WDR44: variants seen among roughly 807,000 people sequenced by gnomAD.
WDR44 encodes WD repeat-containing protein 44.
In WDR44, 9 loss-of-function variants were observed where a neutral mutation model predicts 65.7. The observed-to-expected ratio is 0.14, with a 90% CI of 0.08 to 0.24. The LOEUF (loss-of-function observed/expected upper bound fraction) is 0.24, where lower values mean the gene tolerates loss of function less well. WDR44 is among the 10% of genes least tolerant of loss of function. The pLI is 1.00. For missense variants in WDR44, 425 were observed against 670.9 expected, an observed-to-expected ratio of 0.63 and a Z score of 4.05; for synonymous variants, 220 against 235.2, an observed-to-expected ratio of 0.94 and a Z score of 0.59.
At chrX:118,363,235 TA>T (rs1166155870) in intron 1 of WDR44, among the ~76,000 whole-genome samples, 5 of 105,021 alleles carry the variant, frequency 4.8e-5, no homozygotes, top group Non-Finnish European at 3.9e-5. Flanking sequence ...CTGTCTCTAC[TA>T]AAAAAAAATA....
intron 12 of WDR44, among the ~76,000 whole-genome samples, chrX:118,422,416 C>T (rs1203387677): frequency 9.2e-6 from 1 of 108,423 alleles, no homozygotes; most frequent in Non-Finnish European, 1.9e-5. Context: ...TTGAGCCAGG[C>T]GCGGTGGCTC....
intron 12 of WDR44, among the ~76,000 whole-genome samples, chrX:118,412,701 G>A (rs949758238): frequency 9.0e-6 from 1 of 111,505 alleles, no homozygotes; most frequent in African/African-American, 3.3e-5. Flanking sequence ...GTCACTCATA[G>A]AAATATTTTT....
chrX:118,399,388 A>G (rs904165926), intron 8 of WDR44, among the ~76,000 whole-genome samples: 1 of 112,010 alleles, frequency 8.9e-6, no homozygotes, highest in African/African-American at 3.2e-5. Flanking sequence ...GTCCAAAGTG[A>G]ATTATCCACT....
chrX:118,403,176 T>A (rs2056934765), intron 8 of WDR44, among the ~76,000 whole-genome samples: 1 of 112,300 alleles, frequency 8.9e-6, no homozygotes, highest in African/African-American at 3.2e-5. Flanking sequence ...AATTGTTTTA[T>A]TTCTGGGATT....
intron 12 of WDR44, among the ~76,000 whole-genome samples, chrX:118,425,054 A>T (rs1039859930): frequency 6.3e-5 from 7 of 111,568 alleles, no homozygotes; most frequent in Middle Eastern, 4.6e-3. Context: ...TAAGGAAATG[A>T]TCATATGATA....
At chrX:118,368,483 T>TATATATATATATATATATATATATC (rs1569359132) in intron 1 of WDR44, among the ~76,000 whole-genome samples, 7 of 87,655 alleles carry the variant, frequency 8.0e-5, no homozygotes, top group East Asian at 4.0e-4. Flanking sequence ...ATATATATAC[T>TATATATATATATATATATATATATC]TCTTGAGGAC....
chrX:118,436,452 A>G, intron 13 of WDR44: 2 of 401,860 alleles, frequency 5.0e-6, no homozygotes, highest in Non-Finnish European at 9.1e-6. Flanking sequence ...TTCTTTAGAC[A>G]TTGATAAGAT....
chrX:118,441,435 A>C lies in WDR44; in HGVS notation c.2042A>C (p.Lys681Thr). Residue 681 changes from lysine (K) to threonine (T), a missense_variant, in exon 15 of 20, where the codon AAA (lysine) becomes ACA (threonine). By Grantham distance (78) the Lys-to-Thr change is moderately conservative. Coordinates refer to ENST00000254029, the MANE Select transcript of WDR44 (RefSeq NM_019045.5). The part of the protein sequence containing the change: ...KLRLWNIPDK[K>T]VALWNEVDGQ... ...CGCCTTTGGAACATACCTGACAAAA[A>C]AGTGGCTTTGTGGAATGAAGTAGAT... 1 of 1,210,841 alleles carries C rather than the reference A, an allele frequency of 8.3e-7. No homozygotes were observed. Among genetic ancestry groups the C allele is most frequent in the Admixed American group, 2.2e-5 (1 of 46,032 alleles).
chrX:118,435,563 A>G (rs183695463), intron 13 of WDR44, among the ~76,000 whole-genome samples: 1 of 112,494 alleles, frequency 8.9e-6, no homozygotes, highest in African/African-American at 3.2e-5. Flanking sequence ...GATTACAGGC[A>G]TGGGCCACTG....
At chrX:118,376,108 A>G (rs2056657373) in intron 1 of WDR44, among the ~76,000 whole-genome samples, 1 of 110,319 alleles carries the variant, frequency 9.1e-6, no homozygotes, top group Non-Finnish European at 1.9e-5. Context: ...TGGCTGGTTT[A>G]TTTTTATTTT....
chrX:118,374,919 A>C (rs896181737), intron 1 of WDR44, among the ~76,000 whole-genome samples: 5 of 112,060 alleles, frequency 4.5e-5, no homozygotes, highest in African/African-American at 9.7e-5. Context: ...TAAATAGTAG[A>C]AACAATATTG....
At chrX:118,373,706 G>C (rs1462569231) in intron 1 of WDR44, among the ~76,000 whole-genome samples, 1 of 111,188 alleles carries the variant, frequency 9.0e-6, no homozygotes, top group Admixed American at 9.6e-5. Context: ...TGAGAGAATG[G>C]GCTCTGGAGT....
At chrX:118,359,771 T>TCATA (rs1287278906) in intron 1 of WDR44, among the ~76,000 whole-genome samples, 5 of 112,412 alleles carry the variant, frequency 4.4e-5, no homozygotes, top group African/African-American at 1.6e-4. Context: ...TGCTATGCTT[T>TCATA]CATAGTATTT....
At chrX:118,424,323 G>GTATATATATATATA (rs1171699587) in intron 12 of WDR44, among the ~76,000 whole-genome samples, 12 of 65,546 alleles carry the variant, frequency 1.8e-4, no homozygotes, top group Admixed American at 7.2e-4. Context: ...GTGTGTGTGT[G>GTATATATATATATA]TATATATATA....
intron 2 of WDR44, among the ~76,000 whole-genome samples, chrX:118,381,553 T>G (rs1466142354): frequency 9.6e-6 from 1 of 104,178 alleles, no homozygotes; most frequent in Admixed American, 1.1e-4. Context: ...TTGCTTTTCT[T>G]TTCTTTTCTT....
chrX:118,444,954 A>G (rs1450788946), intron 19 of WDR44: 1 of 328,445 alleles, frequency 3.0e-6, no homozygotes, highest in African/African-American at 2.7e-5. Context: ...TTTCAGTAAT[A>G]TATTTCCTCA....
At position 118,404,322 on chromosome X, in the gene WDR44, T is replaced by C; in HGVS notation, c.1275-16T>C. ...TTACAGTTAACTGAGTTGATACTTT[T>C]TTCATTTTTGTTAAGGACTCAACTA... is the stretch of plus-strand genomic sequence containing the variant. On this transcript the variant is annotated splice_polypyrimidine_tract_variant and intron_variant, in intron 8 of 19. Transcript: ENST00000254029. 1 of 1,162,833 alleles carries C rather than the reference T, an allele frequency of 8.6e-7. No individual in the cohort carries two copies. The highest frequency in any genetic ancestry group is 1.2e-6 in the Non-Finnish European group (1 of 857,226).
At chrX:118,378,709 C>CGTTGTGTGTGTGTGTGTGT (rs1556057150) in intron 2 of WDR44, among the ~76,000 whole-genome samples, 1 of 94,455 alleles carries the variant, frequency 1.1e-5, no homozygotes, top group Non-Finnish European at 2.0e-5. Flanking sequence ...AATAAAAGAA[C>CGTTGTGTGTGTGTGTGTGT]GTGTGTGTGT....
intron 1 of WDR44, among the ~76,000 whole-genome samples, chrX:118,350,479 C>T (rs1385136056): frequency 8.9e-6 from 1 of 111,750 alleles, no homozygotes; most frequent in Admixed American, 9.5e-5. Flanking sequence ...CTCTTGAGAA[C>T]CCTTCCAACT....
Sources: gnomAD v4.1 joint callset for allele counts (sites outside exome capture counted in the v4.1 genomes callset) on GRCh38, gnomAD v4.1.1 for gene constraint, MANE v1.5 for transcripts, NCBI Gene and HGNC (gene_info 2026-07-23, HGNC 2026-07-21) for gene names.